ASAP1: variants seen among roughly 807,000 people sequenced by gnomAD.
ASAP1 encodes the protein ArfGAP with SH3 domain, ankyrin repeat and PH domain 1, also known as arf-GAP with SH3 domain, ANK repeat and PH domain-containing protein 1.
A neutral mutation model predicts 145.2 loss-of-function variants in ASAP1; 43 were observed. That is an observed-to-expected ratio of 0.30 (90% CI 0.23 to 0.38). The LOEUF is 0.38. Ranked by LOEUF, ASAP1 falls within the 10% of genes least tolerant of loss-of-function variation. ASAP1 has a pLI of 1.00. For synonymous variants in ASAP1, 546 were observed against 515.5 expected (o/e 1.06, Z -0.80); for missense variants, 1,018 against 1,355.3 (o/e 0.75, Z 3.91).
chr8:130,408,638 C>T (rs1829136449), intron 1 of ASAP1, among the ~76,000 whole-genome samples: 1 of 152,116 alleles, frequency 6.6e-6, no homozygotes, highest in Admixed American at 6.6e-5. Context: ...ATAAATATCC[C>T]CTTACATATA....
At chr8:130,260,168 T>G (rs1819807590) in intron 3 of ASAP1, among the ~76,000 whole-genome samples, 1 of 152,232 alleles carries the variant, frequency 6.6e-6, no homozygotes. Flanking sequence ...GTATAAGATC[T>G]TTACAATGTA....
intron 1 of ASAP1, among the ~76,000 whole-genome samples, chr8:130,405,159 TAGAC>T (rs145207785): frequency 0.018 from 2,711 of 152,272 alleles, 83 homozygotes; most frequent in African/African-American, 0.06. Context: ...GCCATGCACA[TAGAC>T]AGCACAAGTA....
intron 3 of ASAP1, among the ~76,000 whole-genome samples, chr8:130,354,808 G>A (rs751800238): frequency 2.6e-5 from 4 of 152,144 alleles, no homozygotes; most frequent in South Asian, 2.1e-4. Flanking sequence ...CAGCCAAACC[G>A]TGAACCCCTG....
intron 5 of ASAP1, 141 bp from the exon 6 acceptor site, chr8:130,188,324 A>G: frequency 3.0e-6 from 2 of 676,334 alleles, no homozygotes; most frequent in Non-Finnish European, 5.3e-6. Flanking sequence ...TTGAACCTAC[A>G]TGACACCTCT....
intron 25 of ASAP1, among the ~76,000 whole-genome samples, chr8:130,088,417 G>C (rs935556975): frequency 6.6e-6 from 1 of 152,122 alleles, no homozygotes; most frequent in Admixed American, 6.5e-5. Context: ...GAAAATTCAT[G>C]TGGGTCCTAT....
At chr8:130,431,910 C>T (rs556789274) in intron 1 of ASAP1, among the ~76,000 whole-genome samples, 48 of 96,022 alleles carry the variant, frequency 5.0e-4, no homozygotes, top group Admixed American at 2.9e-3. Context: ...GGGGAAATGG[C>T]GAGGAGGAAG....
chr8:130,193,034 A>C (rs1211340582), intron 5 of ASAP1, among the ~76,000 whole-genome samples: 1 of 152,174 alleles, frequency 6.6e-6, no homozygotes, highest in Non-Finnish European at 1.5e-5. Context: ...TTATGTGATA[A>C]AAGCAAGGTA....
chr8:130,220,335 T>C (rs933714550), intron 4 of ASAP1, among the ~76,000 whole-genome samples: 1 of 152,204 alleles, frequency 6.6e-6, no homozygotes, highest in Admixed American at 6.5e-5. Flanking sequence ...CTAAATGTTA[T>C]TGTATTAAGC....
chr8:130,247,416 G>A (rs894584506), intron 3 of ASAP1, among the ~76,000 whole-genome samples: 1 of 151,974 alleles, frequency 6.6e-6, no homozygotes, highest in South Asian at 2.1e-4. Flanking sequence ...GCTAATAAGA[G>A]AGCCAGGATT....
intron 27 of ASAP1, among the ~76,000 whole-genome samples, chr8:130,072,831 G>GCGTGTGCGTGCGCGCGCGCGCGCGCACGC (rs58907739): frequency 1.8e-5 from 2 of 110,706 alleles, no homozygotes; most frequent in African/African-American, 7.2e-5. Context: ...GTGTGCGCGC[G>GCGTGTGCGTGCGCGCGCGCGCGCGCACGC]GGGGGGGGCA....
chr8:130,160,920 A>T (rs1305076893), intron 11 of ASAP1: 3 of 631,706 alleles, frequency 4.7e-6, no homozygotes, highest in South Asian at 3.5e-5. Flanking sequence ...ATATCACTGT[A>T]AAGATAATAC....
chr8:130,084,115 A>G (rs1362778181), intron 25 of ASAP1: 1 of 152,212 alleles, frequency 6.6e-6, no homozygotes, highest in African/African-American at 2.4e-5. Flanking sequence ...TTTTAACAAA[A>G]TGTCTGGCAC....
At chr8:130,261,726 A>C (rs1819910053) in intron 3 of ASAP1, among the ~76,000 whole-genome samples, 1 of 152,154 alleles carries the variant, frequency 6.6e-6, no homozygotes, top group Admixed American at 6.6e-5. Flanking sequence ...TTGAGAGTTC[A>C]TGCAAATAGT....
At chr8:130,268,368 T>A (rs1820384960) in intron 3 of ASAP1, among the ~76,000 whole-genome samples, 1 of 151,924 alleles carries the variant, frequency 6.6e-6, no homozygotes, top group Non-Finnish European at 1.5e-5. Flanking sequence ...GCACCTGTAG[T>A]CCCAGCTACT....
intron 24 of ASAP1, among the ~76,000 whole-genome samples, chr8:130,105,455 C>A (rs556200182): frequency 6.6e-6 from 1 of 152,168 alleles, no homozygotes; most frequent in Non-Finnish European, 1.5e-5. Flanking sequence ...CATTACTTCA[C>A]GTATGCATCT....
intron 25 of ASAP1, among the ~76,000 whole-genome samples, chr8:130,090,409 C>T (rs1456894557): frequency 6.6e-6 from 1 of 152,152 alleles, no homozygotes; most frequent in African/African-American, 2.4e-5. Flanking sequence ...ATCTGGGGAT[C>T]CCGAAGGCCT....
chr8:130,372,318 G>T (rs535543973), intron 2 of ASAP1, among the ~76,000 whole-genome samples: 1 of 151,232 alleles, frequency 6.6e-6, no homozygotes, highest in African/African-American at 2.5e-5. Context: ...AGATGATAAA[G>T]CTCAAAGACT....
At chr8:130,089,591 T>C (rs2097501237) in intron 25 of ASAP1, among the ~76,000 whole-genome samples, 1 of 152,204 alleles carries the variant, frequency 6.6e-6, no homozygotes, top group South Asian at 2.1e-4. Context: ...ATGACCTGTC[T>C]GGGCCCTGCC....
chr8:130,336,216 C>T (rs562012085), intron 3 of ASAP1, among the ~76,000 whole-genome samples: 60 of 152,248 alleles, frequency 3.9e-4, no homozygotes, highest in African/African-American at 1.3e-3. Context: ...ATTCCTGCTT[C>T]GAACTTAATA....
Sources: gnomAD v4.1 joint callset for allele counts (sites outside exome capture counted in the v4.1 genomes callset) on GRCh38, gnomAD v4.1.1 for gene constraint, MANE v1.5 for transcripts, NCBI Gene and HGNC (gene_info 2026-07-23, HGNC 2026-07-21) for gene names.